Variants in ACER2 observed in about 807,000 individuals in gnomAD.
ACER2 encodes alkaline ceramidase 2.
A neutral mutation model predicts 34.7 loss-of-function variants in ACER2; 26 were observed. The ratio of observed to expected loss-of-function variants is 0.75; its 90% CI spans 0.55 to 1.04. The LOEUF (loss-of-function observed/expected upper bound fraction) is 1.04, where lower values mean the gene tolerates loss of function less well. Ranked by LOEUF, ACER2 falls within the 50% of genes least tolerant of loss-of-function variation. ACER2 has a pLI of 0.00. For synonymous variants in ACER2, 138 were observed against 132.1 expected, an observed-to-expected ratio of 1.04 and a Z score of -0.31; for missense variants, 352 against 340.8, an observed-to-expected ratio of 1.03 and a Z score of -0.26.
intron 1 of ACER2, among the ~76,000 whole-genome samples, chr9:19,418,143 T>C (rs1830290613): frequency 6.6e-6 from 1 of 152,156 alleles, no homozygotes; most frequent in African/African-American, 2.4e-5. Context: ...AAAACCACAA[T>C]GAGATACCAT....
intron 1 of ACER2, chr9:19,409,704 C>T (rs1178361431): frequency 2.0e-6 from 2 of 978,268 alleles, no homozygotes; most frequent in Non-Finnish European, 2.4e-6. Flanking sequence ...CAAGAACATG[C>T]CTATAATGGT....
At chr9:19,443,609 G>C (rs1831231756) in intron 4 of ACER2, among the ~76,000 whole-genome samples, 1 of 152,244 alleles carries the variant, frequency 6.6e-6, no homozygotes, top group African/African-American at 2.4e-5. Flanking sequence ...GTATACATTA[G>C]TGAATAAAAC....
At chr9:19,442,569 A>G (rs976471183) in intron 4 of ACER2, among the ~76,000 whole-genome samples, 3 of 152,156 alleles carry the variant, frequency 2.0e-5, no homozygotes, top group Non-Finnish European at 2.9e-5. Flanking sequence ...TACAGTGACT[A>G]ACGGCCGGGC....
At chr9:19,413,237 T>G (rs937730293) in intron 1 of ACER2, among the ~76,000 whole-genome samples, 1 of 152,252 alleles carries the variant, frequency 6.6e-6, no homozygotes, top group African/African-American at 2.4e-5. Flanking sequence ...CTTTTACTTG[T>G]GCACATTTTA....
At chr9:19,443,877 C>G (rs1831242482) in intron 4 of ACER2, among the ~76,000 whole-genome samples, 1 of 152,020 alleles carries the variant, frequency 6.6e-6, no homozygotes, top group African/African-American at 2.4e-5. Flanking sequence ...GGCTGATCTC[C>G]AACTCCTGAT....
At chr9:19,415,409 C>T (rs988866296) in intron 1 of ACER2, among the ~76,000 whole-genome samples, 1 of 151,936 alleles carries the variant, frequency 6.6e-6, no homozygotes, top group Non-Finnish European at 1.5e-5. Flanking sequence ...TCAGGAGAAT[C>T]GCTTGAACCT....
chr9:19,414,293 A>G (rs1830171389), intron 1 of ACER2, among the ~76,000 whole-genome samples: 1 of 152,198 alleles, frequency 6.6e-6, no homozygotes, highest in African/African-American at 2.4e-5. Context: ...CAGCCAGGGT[A>G]AAAGTCCTCA....
intron 4 of ACER2, among the ~76,000 whole-genome samples, chr9:19,444,476 G>A (rs752585286): frequency 1.2e-4 from 18 of 152,192 alleles, no homozygotes; most frequent in Non-Finnish European, 2.5e-4. Context: ...CTCCCAAAGT[G>A]CTGGAATTAC....
At chr9:19,434,444 C>T (rs201065782) in intron 3 of ACER2, among the ~76,000 whole-genome samples, 172 of 136,124 alleles carry the variant, frequency 1.3e-3, no homozygotes, top group South Asian at 2.9e-3. Flanking sequence ...GAGGTTGTAG[C>T]GAGCCGAGAT....
rs1472900365 is a variant in ACER2, at chr9:19,420,997, A to C, written c.109-2865A>C. Among the ~76,000 whole-genome samples the C allele has an allele frequency of 3.9e-5, 6 of 152,326 alleles. No individual in the cohort carries two copies. In the East Asian group the frequency reaches 1.2e-3, roughly 29 times the overall value. Reference sequence around the variant, plus strand: ...TTCTATAACATTATAGACCATACTTACACAAATCTAGATGGTATAGCTTTG... The same window carrying C: ...TTCTATAACATTATAGACCATACTTCCACAAATCTAGATGGTATAGCTTTG... On this transcript the variant is annotated intron_variant, in intron 1 of 5. Transcript: ENST00000340967.
intron 4 of ACER2, among the ~76,000 whole-genome samples, chr9:19,441,562 T>G (rs1831159082): frequency 6.6e-6 from 1 of 152,132 alleles, no homozygotes; most frequent in East Asian, 1.9e-4. Context: ...TTTCTGGCCC[T>G]CTTGCTTGGC....
chr9:19,437,417 C>T (rs571929539), intron 4 of ACER2, among the ~76,000 whole-genome samples: 1 of 152,294 alleles, frequency 6.6e-6, no homozygotes, highest in African/African-American at 2.4e-5. Flanking sequence ...TTCATGGAAT[C>T]GCCCTCTGCA....
intron 3 of ACER2, among the ~76,000 whole-genome samples, chr9:19,430,363 G>A (rs1425675348): frequency 6.6e-6 from 1 of 152,200 alleles, no homozygotes; most frequent in African/African-American, 2.4e-5. Flanking sequence ...TTGTGTTTCA[G>A]TGTGAGACCC....
rs552564951 is a variant in ACER2 at position 19,419,569 on chromosome 9, C to T, written c.109-4293C>T. Among the ~76,000 whole-genome samples, 3 of 152,236 alleles carry T rather than the reference C, an allele frequency of 2.0e-5. No homozygotes were observed. In the South Asian group the frequency reaches 6.2e-4, roughly 32 times the overall value. On this transcript the variant is annotated intron_variant, in intron 1 of 5. Coordinates refer to ENST00000340967, the MANE Select transcript of ACER2 (RefSeq NM_001010887.3). ...TCACTTGAGGTCAGGAGTTGAAGAC[C>T]AGCCTGGCCAACGTGATGAAACTCT...
chr9:19,440,322 C>T lies in ACER2; in HGVS notation c.503+5238C>T, dbSNP rs116053305. Among the ~76,000 whole-genome samples, 390 of 152,290 alleles carry T rather than the reference C, an allele frequency of 2.6e-3. 2 individuals are homozygous for T. Among genetic ancestry groups the T allele is most frequent in the African/African-American group, 9.0e-3 (376 of 41,570 alleles). ...TCCCTTAAGGTGCACCCTCAACTCC[C>T]TGCTTGCTATGGTCTGAATGTTTGT... On this transcript the variant is annotated intron_variant, in intron 4 of 5. Coordinates refer to ENST00000340967, the MANE Select transcript of ACER2 (RefSeq NM_001010887.3).
chr9:19,412,658 A>G (rs1211501410), intron 1 of ACER2, among the ~76,000 whole-genome samples: 1 of 86,536 alleles, frequency 1.2e-5, no homozygotes, highest in Non-Finnish European at 2.3e-5. Flanking sequence ...TTCTGTCTCA[A>G]AAAAAAAAAA....
intron 4 of ACER2, among the ~76,000 whole-genome samples, chr9:19,436,724 T>A (rs1354436193): frequency 6.6e-6 from 1 of 152,256 alleles, no homozygotes. Context: ...TAATTTATTT[T>A]AATTAGTCAA....
chr9:19,437,277 G>A (rs1831007519), intron 4 of ACER2, among the ~76,000 whole-genome samples: 3 of 152,138 alleles, frequency 2.0e-5, no homozygotes, highest in Non-Finnish European at 4.4e-5. Context: ...TTCCCTCAGT[G>A]CCTTTCCCAA....
At chr9:19,418,555 G>C (rs947269032) in intron 1 of ACER2, among the ~76,000 whole-genome samples, 1 of 152,160 alleles carries the variant, frequency 6.6e-6, no homozygotes, top group Non-Finnish European at 1.5e-5. Context: ...CAGGGACATG[G>C]ATGAAGCTGG....
Sources: gnomAD v4.1 joint callset for allele counts (sites outside exome capture counted in the v4.1 genomes callset) on GRCh38, gnomAD v4.1.1 for gene constraint, MANE v1.5 for transcripts, NCBI Gene and HGNC (gene_info 2026-07-23, HGNC 2026-07-21) for gene names.